DOCK2: variants seen among roughly 807,000 people sequenced by gnomAD.
DOCK2 encodes the protein dedicator of cytokinesis 2.
A neutral mutation model predicts 248.9 loss-of-function variants in DOCK2; 87 were observed. The ratio of observed to expected loss-of-function variants is 0.35; its 90% CI spans 0.29 to 0.42. The LOEUF (loss-of-function observed/expected upper bound fraction) is 0.42, where lower values mean the gene tolerates loss of function less well. DOCK2 is among the 10% of genes least tolerant of loss of function. The probability of loss-of-function intolerance (pLI) is 1.00; values close to 1 mark genes in which losing one functional copy is unlikely to be tolerated. For missense variants in DOCK2, 1,747 were observed against 2,300.2 expected (o/e 0.76, Z 4.92); for synonymous variants, 805 against 821.6 (o/e 0.98, Z 0.35).
intron 27 of DOCK2, among the ~76,000 whole-genome samples, chr5:169,845,830 G>GAGCAGAAATGTACCTGA (rs1770270406): frequency 6.6e-6 from 1 of 152,168 alleles, no homozygotes; most frequent in East Asian, 1.9e-4. Flanking sequence ...ACTTCACTAG[G>GAGCAGAAATGTACCTGA]AGCAGAAATG....
chr5:169,897,233 G>A (rs1439652388), intron 27 of DOCK2, among the ~76,000 whole-genome samples: 2 of 152,072 alleles, frequency 1.3e-5, no homozygotes, highest in Non-Finnish European at 2.9e-5. Context: ...CCACCAGGCT[G>A]GAGTGCATTG....
At chr5:169,992,940 C>G (rs1380829216) in intron 29 of DOCK2, among the ~76,000 whole-genome samples, 1 of 152,206 alleles carries the variant, frequency 6.6e-6, no homozygotes, top group Admixed American at 6.5e-5. Flanking sequence ...ATCATCAGCA[C>G]AGGGGCAAAT....
At chr5:169,752,075 G>A (rs1057058666) in intron 23 of DOCK2, among the ~76,000 whole-genome samples, 1 of 152,220 alleles carries the variant, frequency 6.6e-6, no homozygotes, top group African/African-American at 2.4e-5. Flanking sequence ...AAGTCCTTGT[G>A]TGTGCCAGCC....
At chr5:169,902,604 G>A (rs1479991665) in intron 27 of DOCK2, among the ~76,000 whole-genome samples, 2 of 152,226 alleles carry the variant, frequency 1.3e-5, no homozygotes, top group Non-Finnish European at 2.9e-5. Flanking sequence ...CCCCGCTGAG[G>A]CTCCCTGGGG....
chr5:169,670,732 G>A lies in DOCK2; in HGVS notation c.224+135G>A, dbSNP rs563821450. On this transcript the variant is annotated intron_variant, in intron 4 of 51. Coordinates refer to ENST00000520908, the MANE Select transcript of DOCK2 (RefSeq NM_004946.3). ...TCTTTGTGCCTGTGTATATTTGTGG[G>A]TCTCCTTTCCGTTACTCAATGGGAG... 458 of 1,068,410 alleles carry A rather than the reference G, an allele frequency of 4.3e-4. 5 individuals carry two copies. In the South Asian group the frequency reaches 6.4e-3, roughly 15 times the overall value. The allele number at this position is 1,068,410 out of a possible 1,614,324, so 66.2% of individuals were successfully genotyped here.
At chr5:169,794,050 A>G (rs902754481) in intron 25 of DOCK2, among the ~76,000 whole-genome samples, 1 of 151,900 alleles carries the variant, frequency 6.6e-6, no homozygotes, top group African/African-American at 2.4e-5. Context: ...CCATTGTTGT[A>G]ACATCAGCTC....
intron 38 of DOCK2, among the ~76,000 whole-genome samples, chr5:170,044,169 T>G (rs758131952): frequency 6.6e-6 from 1 of 152,214 alleles, no homozygotes; most frequent in African/African-American, 2.4e-5. Context: ...TTCTACTCCA[T>G]AAGTTCATCT....
intron 27 of DOCK2, among the ~76,000 whole-genome samples, chr5:169,982,388 C>T (rs1777966424): frequency 6.6e-6 from 1 of 152,168 alleles, no homozygotes; most frequent in African/African-American, 2.4e-5. Flanking sequence ...GGTGTGGTTC[C>T]TCCTCTGCTC....
intron 27 of DOCK2, among the ~76,000 whole-genome samples, chr5:169,852,245 G>A (rs908872924): frequency 1.8e-4 from 27 of 152,182 alleles, no homozygotes; most frequent in African/African-American, 6.0e-4. Flanking sequence ...AATCTGATTT[G>A]AGACAAGTAA....
rs1761027223 is a variant in DOCK2 at position 169,702,436 on chromosome 5, C to T, written c.1383+9C>T. ...ATGGCAAAACGCTGCCTGTAAGGGA[C>T]TCACTGCTGCTCTGGGTGACAGGGT... On this transcript the variant is annotated intron_variant, in intron 14 of 51. Coordinates refer to ENST00000520908, the MANE Select transcript of DOCK2 (RefSeq NM_004946.3). 1 of 1,613,366 alleles carries T rather than the reference C, an allele frequency of 6.2e-7. No individual in the cohort carries two copies. Among genetic ancestry groups the T allele is most frequent in the Non-Finnish European group, 8.5e-7 (1 of 1,179,544 alleles).
At chr5:170,020,476 C>T (rs1244807338) in intron 33 of DOCK2, among the ~76,000 whole-genome samples, 1 of 152,210 alleles carries the variant, frequency 6.6e-6, no homozygotes, top group Non-Finnish European at 1.5e-5. Context: ...ATTATAATGA[C>T]TGACTTTAGA....
intron 30 of DOCK2, among the ~76,000 whole-genome samples, chr5:170,008,292 C>T (rs371019553): frequency 2.0e-5 from 3 of 151,904 alleles, no homozygotes; most frequent in African/African-American, 2.4e-5. Context: ...GACGTGGTAG[C>T]GCCTAGAGAA....
Position 169,983,177 on chromosome 5 carries a change from A to T in DOCK2, c.2898+11A>T. ...AGCTCTGAACTTGTGGTGAGTCTGCAGGATGCTGGGGGTGAGGAAGAACTC... is the reference window on the plus strand; with the variant it reads ...AGCTCTGAACTTGTGGTGAGTCTGCTGGATGCTGGGGGTGAGGAAGAACTC... On this transcript the variant is annotated intron_variant, in intron 28 of 51. Transcript: ENST00000520908. 6.2e-7 allele frequency: 1 copy of T among 1,613,868 alleles called. No individual in the cohort carries two copies. Among genetic ancestry groups the T allele is most frequent in the Non-Finnish European group, 8.5e-7 (1 of 1,179,760 alleles).
intron 5 of DOCK2, among the ~76,000 whole-genome samples, chr5:169,673,322 A>G (rs559230817): frequency 6.6e-6 from 1 of 151,802 alleles, no homozygotes; most frequent in Admixed American, 6.6e-5. Context: ...CATTCTTATC[A>G]CTCTGGTCAT....
At chr5:169,926,488 A>G (rs1775464975) in intron 27 of DOCK2, among the ~76,000 whole-genome samples, 1 of 152,200 alleles carries the variant, frequency 6.6e-6, no homozygotes, top group Non-Finnish European at 1.5e-5. Flanking sequence ...TCAGGTGGCC[A>G]TGTTCAAAGA....
intron 27 of DOCK2, among the ~76,000 whole-genome samples, chr5:169,877,685 A>G (rs1772408794): frequency 6.6e-6 from 1 of 152,226 alleles, no homozygotes; most frequent in African/African-American, 2.4e-5. Context: ...ATTGATATAG[A>G]TATCAGATAA....
intron 26 of DOCK2, among the ~76,000 whole-genome samples, chr5:169,808,357 C>T (rs1467838452): frequency 2.6e-5 from 4 of 152,098 alleles, no homozygotes; most frequent in Non-Finnish European, 5.9e-5. Context: ...AATAGATTGT[C>T]ATTGTTTGGG....
chr5:169,903,434 G>A (rs987577278), intron 27 of DOCK2, among the ~76,000 whole-genome samples: 2 of 151,796 alleles, frequency 1.3e-5, no homozygotes, highest in Non-Finnish European at 2.9e-5. Context: ...ATGTTTCTGT[G>A]GTGGTGTGAG....
intron 1 of DOCK2, among the ~76,000 whole-genome samples, chr5:169,649,808 CTTTCT>C (rs1025438637): frequency 6.0e-5 from 9 of 149,766 alleles, no homozygotes; most frequent in African/African-American, 2.2e-4. Flanking sequence ...ATTTTTTTTT[CTTTCT>C]TTTTTTTTTT....
Sources: gnomAD v4.1 joint callset for allele counts (sites outside exome capture counted in the v4.1 genomes callset) on GRCh38, gnomAD v4.1.1 for gene constraint, MANE v1.5 for transcripts, NCBI Gene and HGNC (gene_info 2026-07-23, HGNC 2026-07-21) for gene names.